NR3C2: variants seen among roughly 807,000 people sequenced by gnomAD.
NR3C2 encodes nuclear receptor subfamily 3 group C member 2.
Under a neutral mutation model 86.4 loss-of-function variants are expected in NR3C2, and 15 were observed. The observed-to-expected ratio is 0.17, with a 90% CI of 0.12 to 0.27. The LOEUF is 0.27. Among genes scored for constraint, NR3C2 ranks in the 10% least tolerant of loss-of-function variants. The pLI, the probability that NR3C2 is intolerant of heterozygous loss-of-function variation, is 1.00. For synonymous variants in NR3C2, 458 were observed against 450.5 expected, an observed-to-expected ratio of 1.02 and a Z score of -0.21; for missense variants, 960 against 1,195.6, an observed-to-expected ratio of 0.80 and a Z score of 2.91.
In NR3C2 at chr4:148,385,057, G is replaced by A. The variant is rs72656881; in HGVS notation, c.1757+50047C>T. 1.7e-3 allele frequency among the ~76,000 whole-genome samples: 253 copies of A among 152,286 alleles called. 1 individual carries two copies. Among genetic ancestry groups the A allele is most frequent in the African/African-American group, 5.7e-3 (237 of 41,558 alleles). The stretch of plus-strand genomic sequence containing the variant: ...GGTGTTTGTGGACCATCAGGAGTCA[G>A]CAGTCACTTAAAAATGCATATGACA... On this transcript the variant is annotated intron_variant, in intron 2 of 8. Transcript: ENST00000358102.
intron 2 of NR3C2, among the ~76,000 whole-genome samples, chr4:148,303,895 TC>T (rs1742468737): frequency 6.6e-6 from 1 of 152,062 alleles, no homozygotes; most frequent in Non-Finnish European, 1.5e-5. Context: ...ACTCCCTAGA[TC>T]CCCCTGTTAA....
intron 8 of NR3C2, among the ~76,000 whole-genome samples, chr4:148,097,516 A>G (rs1382685103): frequency 6.6e-6 from 1 of 152,190 alleles, no homozygotes; most frequent in Non-Finnish European, 1.5e-5. Context: ...ATCGTGCTGC[A>G]CTTTGGCCCA....
At chr4:148,178,940 A>C (rs369246104) in intron 4 of NR3C2, among the ~76,000 whole-genome samples, 1 of 150,946 alleles carries the variant, frequency 6.6e-6, no homozygotes, top group Non-Finnish European at 1.5e-5. Flanking sequence ...GGTAAAAAAA[A>C]AAAAAAACAA....
chr4:148,361,061 G>A (rs1745809585), intron 2 of NR3C2, among the ~76,000 whole-genome samples: 1 of 152,094 alleles, frequency 6.6e-6, no homozygotes, highest in Non-Finnish European at 1.5e-5. Context: ...GCAAGACAAA[G>A]ACCATGTATT....
At chr4:148,188,842 C>T (rs1232224758) in intron 4 of NR3C2, among the ~76,000 whole-genome samples, 4 of 151,636 alleles carry the variant, frequency 2.6e-5, no homozygotes, top group East Asian at 3.9e-4. Context: ...CAACTTTTCC[C>T]GATTCAGTAT....
intron 2 of NR3C2, among the ~76,000 whole-genome samples, chr4:148,358,319 T>C (rs1745656771): frequency 6.6e-6 from 1 of 152,114 alleles, no homozygotes; most frequent in Non-Finnish European, 1.5e-5. Context: ...ATGTCCTTTG[T>C]AGGGACATGG....
chr4:148,114,053 G>A (rs1438317789), intron 8 of NR3C2, 51 bp downstream of exon 8: 1 of 1,601,520 alleles, frequency 6.2e-7, no homozygotes, highest in East Asian at 2.2e-5. Context: ...TCAGCAGTGT[G>A]TATGTGGTTG....
intron 4 of NR3C2, among the ~76,000 whole-genome samples, chr4:148,189,082 C>A: frequency 6.6e-6 from 1 of 152,120 alleles, no homozygotes; most frequent in Admixed American, 6.5e-5. Flanking sequence ...GTGCGCGCCA[C>A]CACCCCTGGC....
intron 3 of NR3C2, among the ~76,000 whole-genome samples, chr4:148,219,458 G>C (rs924989122): frequency 1.3e-5 from 2 of 152,190 alleles, no homozygotes; most frequent in Non-Finnish European, 2.9e-5. Flanking sequence ...TTGTGGCCCA[G>C]GGTCTCAGGG....
intron 4 of NR3C2, among the ~76,000 whole-genome samples, chr4:148,178,505 T>C (rs1210784072): frequency 1.3e-5 from 2 of 151,814 alleles, no homozygotes; most frequent in African/African-American, 4.8e-5. Flanking sequence ...TGTTCTGCAA[T>C]TAGCAGATGC....
chr4:148,419,370 A>ACG (rs1210512191), intron 2 of NR3C2, among the ~76,000 whole-genome samples: 1 of 152,230 alleles, frequency 6.6e-6, no homozygotes. Context: ...TTCTGAAGCT[A>ACG]TAAGCAAAAT....
intron 2 of NR3C2, among the ~76,000 whole-genome samples, chr4:148,387,408 A>C (rs565580859): frequency 2.6e-5 from 4 of 152,306 alleles, no homozygotes; most frequent in African/African-American, 9.6e-5. Context: ...CCCCCATTTG[A>C]TTAAGCCACT....
At chr4:148,102,392 T>C (rs566207130) in intron 8 of NR3C2, among the ~76,000 whole-genome samples, 1 of 152,340 alleles carries the variant, frequency 6.6e-6, no homozygotes, top group South Asian at 2.1e-4. Context: ...TCCTCCAGAA[T>C]GTCCTAAAGG....
At chr4:148,229,499 A>T (rs1196633938) in intron 3 of NR3C2, among the ~76,000 whole-genome samples, 1 of 152,192 alleles carries the variant, frequency 6.6e-6, no homozygotes, top group East Asian at 1.9e-4. Flanking sequence ...TGTGTATGCC[A>T]ATTTTGGAAC....
intron 4 of NR3C2, 66 bp downstream of exon 4, chr4:148,194,680 C>T (rs1736356715): frequency 9.4e-7 from 1 of 1,061,850 alleles, no homozygotes. Flanking sequence ...TTTGAGAGTA[C>T]ACAGATCTTA....
At chr4:148,263,380 C>T (rs1740227716) in intron 2 of NR3C2, among the ~76,000 whole-genome samples, 1 of 152,212 alleles carries the variant, frequency 6.6e-6, no homozygotes, top group South Asian at 2.1e-4. Flanking sequence ...CCACCACGTC[C>T]TGCTCAGTCC....
At chr4:148,112,331 CTAACTGTACAAA>C (rs1732081264) in intron 8 of NR3C2, among the ~76,000 whole-genome samples, 1 of 152,282 alleles carries the variant, frequency 6.6e-6, no homozygotes, top group Admixed American at 6.5e-5. Flanking sequence ...GCACTTGTGC[CTAACTGTACAAA>C]TAAGAGAACT....
Position 148,171,992 on chromosome 4 carries a change from G to A in NR3C2, c.2015-17091C>T, listed in dbSNP as rs114498563. ...AACTATGGAATCCAATAATAATTTA[G>A]TTGATAATCCCTGGGAGTTTACTGC... is the stretch of plus-strand genomic sequence containing the variant. On this transcript the variant is annotated intron_variant, in intron 4 of 8. Coordinates refer to ENST00000358102, the MANE Select transcript of NR3C2 (RefSeq NM_000901.5). Among the ~76,000 whole-genome samples, 152 of 152,218 alleles carry A rather than the reference G, an allele frequency of 1.0e-3. 2 individuals carry two copies. The highest frequency in any genetic ancestry group is 3.6e-3 in the African/African-American group (150 of 41,528).
At position 148,323,300 on chromosome 4, in the gene NR3C2, T is replaced by G. The variant is rs544122390; in HGVS notation, c.1758-63183A>C. Reference sequence around the variant, plus strand: ...TCTTCAAAGCTGTCAGACAGGGACATTTAAGTCTGCAGAGGTTACTGCTGT... The same window carrying G: ...TCTTCAAAGCTGTCAGACAGGGACAGTTAAGTCTGCAGAGGTTACTGCTGT... On this transcript the variant is annotated intron_variant, in intron 2 of 8. Transcript: ENST00000358102. Among the ~76,000 whole-genome samples the G allele has an allele frequency of 5.5e-5, 8 of 145,020 alleles. No individual in the cohort carries two copies. The Middle Eastern group carries it at 0.01, about 186-fold the overall frequency.
Sources: gnomAD v4.1 joint callset for allele counts (sites outside exome capture counted in the v4.1 genomes callset) on GRCh38, gnomAD v4.1.1 for gene constraint, MANE v1.5 for transcripts, NCBI Gene and HGNC (gene_info 2026-07-23, HGNC 2026-07-21) for gene names.